The following CHST15 variants were observed in gnomAD, a reference collection of about 807,000 sequenced individuals.
The protein encoded by CHST15 is carbohydrate sulfotransferase 15.
Under a neutral mutation model 53.6 loss-of-function variants are expected in CHST15, and 30 were observed. That is an observed-to-expected ratio of 0.56 (90% CI 0.42 to 0.76). The LOEUF (loss-of-function observed/expected upper bound fraction) is 0.76, where lower values mean the gene tolerates loss of function less well. CHST15 is among the 30% of genes least tolerant of loss of function. The pLI is 0.00. For synonymous variants in CHST15, 296 were observed against 289.8 expected, an observed-to-expected ratio of 1.02 and a Z score of -0.22; for missense variants, 627 against 740.5, an observed-to-expected ratio of 0.85 and a Z score of 1.78.
rs377751476 is a variant in CHST15 at position 124,038,600 on chromosome 10, C to T, written c.1105G>A (p.Glu369Lys). The T allele has an allele frequency of 1.6e-5, 26 of 1,614,012 alleles. No homozygotes were observed. In the East Asian group the frequency reaches 4.2e-4, roughly 26 times the overall value. ...TFFYDNSTDG[E>K]PPFLTQDFIH... ...AAGTCCTGCGTCAGAAACGGTGGCT[C>T]GCCATCCGTGCTGTTGTCGTAGAAG... The change falls in exon 5 of 8, where the codon GAG becomes AAG. Residue 369 changes from glutamate to lysine, a missense_variant. By Grantham distance (56) the Glu-to-Lys change is moderately conservative. Around this residue, in one of 3 missense-constraint regions of CHST15, gnomAD observed 279 missense variants for 371.6 expected, o/e 0.75. Transcript: ENST00000435907.
chr10:124,013,284 G>A (rs1320220184), intron 6 of CHST15, among the ~76,000 whole-genome samples: 1 of 152,168 alleles, frequency 6.6e-6, no homozygotes, highest in Non-Finnish European at 1.5e-5. Flanking sequence ...TTCTGACTCT[G>A]GTAGGACTGG....
intron 1 of CHST15, among the ~76,000 whole-genome samples, chr10:124,087,281 G>A (rs923145742): frequency 6.6e-6 from 1 of 152,136 alleles, no homozygotes; most frequent in Non-Finnish European, 1.5e-5. Flanking sequence ...ATAGATCCAG[G>A]GCCACCCTGG....
intron 6 of CHST15, among the ~76,000 whole-genome samples, chr10:124,017,234 G>A (rs9422271): frequency 0.63 from 95,424 of 152,046 alleles, 30,340 homozygotes; most frequent in East Asian, 0.9. Context: ...AGCTTAAGCC[G>A]CTTCCTCCTA....
intron 5 of CHST15, among the ~76,000 whole-genome samples, chr10:124,037,983 C>G (rs960237086): frequency 1.3e-5 from 2 of 152,308 alleles, no homozygotes; most frequent in East Asian, 1.9e-4. Flanking sequence ...AGACCAGGAT[C>G]AGAATGGTTA....
In CHST15 at chr10:124,009,757, C is replaced by T; in HGVS notation, c.*392G>A. The T allele has an allele frequency of 9.5e-7, 1 of 1,052,552 alleles. No individual in the cohort carries two copies. Among genetic ancestry groups the T allele is most frequent in the South Asian group, 3.1e-5 (1 of 32,016 alleles). 65.2% of individuals were successfully genotyped at this position (1,052,552 alleles called of 1,614,324 possible). The stretch of plus-strand genomic sequence containing the variant: ...GTGTAAGTTCCAGCCAGGCCTGTGG[C>T]ATGACCTCTGGCTTGCTGACTCAGA... On this transcript the variant is annotated 3_prime_UTR_variant, in exon 8 of 8. Transcript: ENST00000435907.
At chr10:124,021,063 G>T (rs1169403869) in intron 6 of CHST15, 193 bp downstream of exon 6, 1 of 1,450,770 alleles carries the variant, frequency 6.9e-7, no homozygotes, top group African/African-American at 1.4e-5. Context: ...AGGAAGGCAG[G>T]AGCCAGACCA....
intron 1 of CHST15, among the ~76,000 whole-genome samples, chr10:124,051,891 C>A (rs1464779508): frequency 6.6e-6 from 1 of 152,008 alleles, no homozygotes; most frequent in Non-Finnish European, 1.5e-5. Context: ...TCCAATTTCA[C>A]CCTAGGAAAA....
chr10:124,082,862 A>G (rs1378086507), intron 1 of CHST15, among the ~76,000 whole-genome samples: 3 of 152,226 alleles, frequency 2.0e-5, no homozygotes, highest in African/African-American at 7.2e-5. Flanking sequence ...AGTCCACAAT[A>G]GAGGAATTGG....
rs1947603687 is a variant in CHST15, at chr10:124,038,403, A to G, written c.1190+112T>C. The G allele has an allele frequency of 4.0e-6, 5 of 1,263,670 alleles. No individual in the cohort carries two copies. In the Admixed American group the frequency reaches 5.8e-5, roughly 15 times the overall value. The allele number at this position is 1,263,670 out of a possible 1,614,324, so 78.3% of individuals were successfully genotyped here. On this transcript the variant is annotated intron_variant, in intron 5 of 7. Transcript: ENST00000435907. ...TTACAGGCATGAGCCACTGTACCCG[A>G]CCTGTTTAATTTTTTCTAAAGGAGA...
intron 6 of CHST15, among the ~76,000 whole-genome samples, chr10:124,017,763 G>A (rs1309147396): frequency 6.6e-6 from 1 of 152,214 alleles, no homozygotes; most frequent in Non-Finnish European, 1.5e-5. Flanking sequence ...CTGCCTCCCT[G>A]AGCCTCAGTT....
intron 6 of CHST15, among the ~76,000 whole-genome samples, chr10:124,015,855 G>A (rs1311503105): frequency 6.6e-6 from 1 of 152,234 alleles, no homozygotes; most frequent in African/African-American, 2.4e-5. Context: ...AGAGAAGACA[G>A]TCAGAGTAAA....
chr10:124,010,719 G>GTTTCGGT, intron 7 of CHST15: 1 of 985,470 alleles, frequency 1.0e-6, no homozygotes, highest in Non-Finnish European at 1.2e-6. Flanking sequence ...CAGCCCACGG[G>GTTTCGGT]TTTCGGTTTT....
In CHST15 at chr10:124,084,236, C is replaced by T. The variant is rs1259781259; in HGVS notation, c.-513+9233G>A. Among the ~76,000 whole-genome samples the T allele has an allele frequency of 2.6e-5, 4 of 152,178 alleles. No homozygotes were observed. The East Asian group carries it at 5.8e-4, about 22-fold the overall frequency. On this transcript the variant is annotated intron_variant, in intron 1 of 7. Transcript: ENST00000435907. Reference sequence around the variant, plus strand: ...GACAAAGGAAGCCCTTGGTACCTGCCTCTCGGGGAGTCACAGCTGAGGGCC... The same window carrying T: ...GACAAAGGAAGCCCTTGGTACCTGCTTCTCGGGGAGTCACAGCTGAGGGCC...
In CHST15 at chr10:124,077,270, T is replaced by C. The variant is rs76843919; in HGVS notation, c.-513+16199A>G. 3.5e-3 allele frequency among the ~76,000 whole-genome samples: 533 copies of C among 152,304 alleles called. 1 individual carries two copies. The highest frequency in any genetic ancestry group is 0.012 in the African/African-American group (497 of 41,566). ...GCATGTCAGAATGACAATCAGAATC[T>C]TACATTCTATACCAGGAATGAGGAT... On this transcript the variant is annotated intron_variant, in intron 1 of 7. Coordinates refer to ENST00000435907, the MANE Select transcript of CHST15 (RefSeq NM_001270764.2).
chr10:124,033,805 T>C (rs1480622998), intron 5 of CHST15, among the ~76,000 whole-genome samples: 6 of 152,314 alleles, frequency 3.9e-5, no homozygotes, highest in African/African-American at 1.4e-4. Flanking sequence ...GTCAAGCATA[T>C]TGACGACCCC....
chr10:124,078,275 A>G (rs1949135199), intron 1 of CHST15, among the ~76,000 whole-genome samples: 1 of 152,224 alleles, frequency 6.6e-6, no homozygotes. Context: ...CACTGCCTAT[A>G]TTCCACGCCC....
chr10:124,021,368 G>A lies in CHST15; in HGVS notation c.1235C>T (p.Ala412Val), dbSNP rs201369174. The A allele has an allele frequency of 1.3e-5, 21 of 1,613,918 alleles. No individual in the cohort carries two copies. The highest frequency in any genetic ancestry group is 4.4e-5 in the South Asian group (4 of 91,084). Residue 412 changes from alanine to valine, a missense_variant, in exon 6 of 8, where the codon GCG (alanine) becomes GTG (valine). Physicochemically the swap from Ala to Val is moderately conservative, Grantham distance 64. Coordinates refer to ENST00000435907, the MANE Select transcript of CHST15 (RefSeq NM_001270764.2). ...YLYFASSNKS[A>V]DDFHEKVTEA... ...TGTCACTTTCTCATGGAAGTCGTCC[G>A]CGGATTTATTCGAACTTGCAAAGTA...
At chr10:124,010,409 T>C (rs1345370576) in intron 7 of CHST15, 70 bp from the exon 8 acceptor site, 1 of 1,461,826 alleles carries the variant, frequency 6.8e-7, no homozygotes, top group African/African-American at 1.4e-5. Flanking sequence ...TTTGCAAAAA[T>C]CCCAGCTATG....
intron 1 of CHST15, among the ~76,000 whole-genome samples, chr10:124,073,659 C>T (rs1948986868): frequency 6.6e-6 from 1 of 152,238 alleles, no homozygotes; most frequent in Non-Finnish European, 1.5e-5. Flanking sequence ...GCAAAGGGCA[C>T]AGCAACCATT....
Sources: gnomAD v4.1 joint callset for allele counts (sites outside exome capture counted in the v4.1 genomes callset) on GRCh38, gnomAD v4.1.1 for gene constraint, gnomAD v4.1.1 regional missense constraint, MANE v1.5 for transcripts, NCBI Gene and HGNC (gene_info 2026-07-23, HGNC 2026-07-21) for gene names.